CBL: variants seen among roughly 807,000 people sequenced by gnomAD.
CBL encodes the protein E3 ubiquitin-protein ligase CBL.
In CBL, 45 loss-of-function variants were observed where a neutral mutation model predicts 96.9. The observed-to-expected ratio is 0.46, with a 90% confidence interval of 0.37 to 0.60. The LOEUF is 0.60. Among genes scored for constraint, CBL ranks in the 20% least tolerant of loss-of-function variants. CBL has a pLI of 0.00. For missense variants in CBL, 1,024 were observed against 1,143.5 expected (o/e 0.90, Z 1.51); for synonymous variants, 420 against 426.8 (o/e 0.98, Z 0.20).
At chr11:119,215,931 T>C (rs1330131048) in intron 1 of CBL, among the ~76,000 whole-genome samples, 1 of 152,082 alleles carries the variant, frequency 6.6e-6, no homozygotes, top group Non-Finnish European at 1.5e-5. Flanking sequence ...TAGGTAGGAG[T>C]AGGCACCTGG....
intron 2 of CBL, among the ~76,000 whole-genome samples, chr11:119,250,963 AT>A (rs1408178863): frequency 3.3e-5 from 5 of 152,218 alleles, no homozygotes; most frequent in Admixed American, 2.0e-4. Flanking sequence ...AAATAAAAAA[AT>A]ATTTTAAATA....
At chr11:119,273,833 T>G (rs1949866982) in intron 3 of CBL, 35 bp from the exon 4 acceptor site, 1 of 1,595,034 alleles carries the variant, frequency 6.3e-7, no homozygotes, top group Non-Finnish European at 8.6e-7. Context: ...ATCTCTGTTA[T>G]TTCACTTTAT....
At chr11:119,206,920 A>G (rs1949274395) in intron 1 of CBL, among the ~76,000 whole-genome samples, 1 of 151,780 alleles carries the variant, frequency 6.6e-6, no homozygotes. Flanking sequence ...CGGAAGTACA[A>G]TGAGGGGTGC....
chr11:119,227,700 G>A (rs1312178178), intron 1 of CBL, among the ~76,000 whole-genome samples: 2 of 152,026 alleles, frequency 1.3e-5, no homozygotes, highest in Non-Finnish European at 2.9e-5. Flanking sequence ...ACAGGCATGG[G>A]CCACCACGCC....
At chr11:119,289,432 C>T (rs1364418067) in intron 12 of CBL, 1 of 151,998 alleles carries the variant, frequency 6.6e-6, no homozygotes, top group African/African-American at 2.4e-5. Context: ...ACCTCTTTTA[C>T]TCTGTAGTTC....
chr11:119,306,489 A>C lies in CBL; in HGVS notation c.*6708A>C. 2.5e-6 allele frequency: 1 copy of C among 397,126 alleles called. No individual in the cohort carries two copies. Among genetic ancestry groups the C allele is most frequent in the Non-Finnish European group, 4.4e-6 (1 of 225,610 alleles). The allele number at this position is 397,126 out of a possible 1,614,324, so 24.6% of individuals were successfully genotyped here. A position where few individuals can be genotyped will look rare whatever the true frequency, so the allele number is the denominator to read the frequency against. ...GTATTGCTCAATGCGTGCTATGTGC[A>C]ACTCCTCAGGCCTTGTGCCACCTCC... On this transcript the variant is annotated 3_prime_UTR_variant, in exon 16 of 16. Coordinates refer to ENST00000264033, the MANE Select transcript of CBL (RefSeq NM_005188.4).
At chr11:119,277,239 G>GTACACACACACA (rs1555229977) in intron 6 of CBL, among the ~76,000 whole-genome samples, 1 of 138,258 alleles carries the variant, frequency 7.2e-6, no homozygotes, top group Admixed American at 7.1e-5. Context: ...AGAATCTGTC[G>GTACACACACACA]CGCACACACA....
At chr11:119,231,224 G>A (rs1949499599) in intron 1 of CBL, among the ~76,000 whole-genome samples, 1 of 152,036 alleles carries the variant, frequency 6.6e-6, no homozygotes, top group African/African-American at 2.4e-5. Context: ...CCAACATGGC[G>A]AAACCCCATC....
At chr11:119,247,610 A>G (rs1023464445) in intron 2 of CBL, among the ~76,000 whole-genome samples, 1 of 152,228 alleles carries the variant, frequency 6.6e-6, no homozygotes, top group African/African-American at 2.4e-5. Context: ...CAAGAGTTCA[A>G]GACTAGCCTG....
At position 119,304,229 on chromosome 11, in the gene CBL, A is replaced by C. The variant is rs557736577; in HGVS notation, c.*4448A>C. On this transcript the variant is annotated 3_prime_UTR_variant, in exon 16 of 16. Coordinates refer to ENST00000264033, the MANE Select transcript of CBL (RefSeq NM_005188.4). ...ATACTGTAACTCAGCATAAACTATT[A>C]CTATCACTCCTTTGAACTCAGTCTC... 1 of 233,300 alleles carries C rather than the reference A, an allele frequency of 4.3e-6. No homozygotes were observed. Among genetic ancestry groups the C allele is most frequent in the African/African-American group, 2.2e-5 (1 of 45,470 alleles). The allele number at this position is 233,300 out of a possible 1,614,324, so 14.5% of individuals were successfully genotyped here. A position where few individuals can be genotyped will look rare whatever the true frequency, so the allele number is the denominator to read the frequency against.
Position 119,285,184 on chromosome 11 carries a change from C to T in CBL, c.1564-5C>T. The T allele has an allele frequency of 6.2e-7, 1 of 1,614,116 alleles. No individual in the cohort carries two copies. Among genetic ancestry groups the T allele is most frequent in the Non-Finnish European group, 8.5e-7 (1 of 1,180,034 alleles). On this transcript the variant is annotated splice_polypyrimidine_tract_variant and splice_region_variant and intron_variant, in intron 10 of 15. Coordinates refer to ENST00000264033, the MANE Select transcript of CBL (RefSeq NM_005188.4). ...TACTGATTTGCTTTCACCCTGCTTC[C>T]ACAGGCTGCTTCTGGCTCCCTTCAT...
At chr11:119,283,558 T>C (rs1302167091) in intron 9 of CBL, among the ~76,000 whole-genome samples, 1 of 151,936 alleles carries the variant, frequency 6.6e-6, no homozygotes, top group Non-Finnish European at 1.5e-5. Context: ...GTGTTCTTTC[T>C]TCTAATTTGG....
chr11:119,243,598 T>A lies in CBL; in HGVS notation c.443+10903T>A, dbSNP rs1471528359. On this transcript the variant is annotated intron_variant, in intron 2 of 15. Coordinates refer to ENST00000264033, the MANE Select transcript of CBL (RefSeq NM_005188.4). ...CTATAGAATTGTATGTTTAATAATA[T>A]TCCATTTTTGTAGAAAGTATTTTAA... Among the ~76,000 whole-genome samples, 4 of 152,052 alleles carry A rather than the reference T, an allele frequency of 2.6e-5. No individual in the cohort carries two copies. The East Asian group carries it at 7.7e-4, about 29-fold the overall frequency.
At chr11:119,269,508 A>G (rs1030858266) in intron 2 of CBL, among the ~76,000 whole-genome samples, 2 of 152,122 alleles carry the variant, frequency 1.3e-5, no homozygotes, top group Admixed American at 1.3e-4. Context: ...CCCGGCCAAA[A>G]AAAGATTTCA....
At chr11:119,226,749 C>A (rs1024100159) in intron 1 of CBL, among the ~76,000 whole-genome samples, 1 of 152,178 alleles carries the variant, frequency 6.6e-6, no homozygotes, top group African/African-American at 2.4e-5. Context: ...TGAGCCACCA[C>A]GCCCCGCCTG....
chr11:119,285,431 C>T lies in CBL; in HGVS notation c.1806C>T (p.Ala602=), dbSNP rs1214627956. ...CAATCCCCAAAGTACCAGTATCTGC[C>T]CCAAGTTCCAGTGATCCCTGGACAG... The part of the protein sequence containing the change: ...PRPIPKVPVS[A]PSSSDPWTGR... Residue 602 remains alanine (A), a synonymous_variant, in exon 11 of 16, where the codon GCC becomes GCT. Coordinates refer to ENST00000264033, the MANE Select transcript of CBL (RefSeq NM_005188.4). The T allele has an allele frequency of 1.2e-6, 2 of 1,614,160 alleles. No homozygotes were observed. Among genetic ancestry groups the T allele is most frequent in the African/African-American group, 1.3e-5 (1 of 75,020 alleles).
intron 14 of CBL, among the ~76,000 whole-genome samples, chr11:119,297,752 A>T (rs1317131510): frequency 6.6e-6 from 1 of 152,166 alleles, no homozygotes; most frequent in African/African-American, 2.4e-5. Flanking sequence ...GCCCAGACAA[A>T]GCTGAAAATT....
chr11:119,279,266 G>A (rs1949914650), intron 9 of CBL, among the ~76,000 whole-genome samples: 1 of 151,666 alleles, frequency 6.6e-6, no homozygotes, highest in Non-Finnish European at 1.5e-5. Context: ...ACTTTGGGAC[G>A]TTGAGGCTGG....
rs397958007 is a variant in CBL, at chr11:119,300,145, T to TGG, written c.*365_*366insGG. 0.27 allele frequency: 133,441 copies of TGG among 486,434 alleles called. 17,804 individuals carry two copies. The highest frequency in any genetic ancestry group is 0.41 in the East Asian group (12,386 of 30,574). 30.1% of individuals were successfully genotyped at this position (486,434 alleles called of 1,614,324 possible). A position where few individuals can be genotyped will look rare whatever the true frequency, so the allele number is the denominator to read the frequency against. On this transcript the variant is annotated 3_prime_UTR_variant, in exon 16 of 16. Coordinates refer to ENST00000264033, the MANE Select transcript of CBL (RefSeq NM_005188.4). ...ACTTCCTGGGTTAAGGATGTGGCCG[T>TGG]GTGTGTGTGTGTCTGCCTGTGGTTG...
Sources: allele counts gnomAD v4.1 joint callset (sites outside exome capture counted in the v4.1 genomes callset), GRCh38; gene constraint gnomAD v4.1.1; transcripts MANE v1.5; gene names NCBI Gene and HGNC (gene_info 2026-07-23, HGNC 2026-07-21).